Variants in SH3D19 observed in about 807,000 individuals in gnomAD.
The protein encoded by SH3D19 is SH3 domain containing 19, also known as SH3 domain-containing protein 19.
In SH3D19, 58 loss-of-function variants were observed where a neutral mutation model predicts 112.1. That is an observed-to-expected ratio of 0.52 (90% CI 0.42 to 0.64). The LOEUF (loss-of-function observed/expected upper bound fraction) is 0.64. SH3D19 is among the 30% of genes least tolerant of loss of function. The pLI is 0.00. For missense variants in SH3D19, 1,090 were observed against 1,263.4 expected (o/e 0.86, Z 2.08); for synonymous variants, 391 against 448.5 (o/e 0.87, Z 1.62).
intron 1 of SH3D19, chr4:151,282,169 T>C (rs1169009781): frequency 3.7e-6 from 6 of 1,613,928 alleles, no homozygotes; most frequent in Admixed American, 1.7e-5. Flanking sequence ...CTTTTTCATA[T>C]ACTGTGTGGC....
chr4:151,222,667 CTTTTTTTTTTT>C (rs1554057762), intron 2 of SH3D19, among the ~76,000 whole-genome samples: 4 of 87,242 alleles, frequency 4.6e-5, no homozygotes, highest in African/African-American at 8.9e-5. Context: ...CTCTCTCTCT[CTTTTTTTTTTT>C]TTTTTTTTTT....
chr4:151,225,614 G>A (rs1768864874), intron 2 of SH3D19, among the ~76,000 whole-genome samples: 1 of 152,158 alleles, frequency 6.6e-6, no homozygotes, highest in Non-Finnish European at 1.5e-5. Context: ...GCTGATGGAA[G>A]GCAGTCTGGG....
chr4:151,140,064 A>C, intron 12 of SH3D19: 1 of 481,022 alleles, frequency 2.1e-6, no homozygotes. Flanking sequence ...ATCTCAATTA[A>C]AATATCCCCC....
chr4:151,166,517 C>G (rs1249485333), intron 7 of SH3D19, among the ~76,000 whole-genome samples: 1 of 149,190 alleles, frequency 6.7e-6, no homozygotes, highest in East Asian at 2.0e-4. Context: ...AATGGGAAAT[C>G]TACAAGTAAA....
intron 1 of SH3D19, among the ~76,000 whole-genome samples, chr4:151,311,113 A>G (rs1327448201): frequency 6.6e-6 from 1 of 151,132 alleles, no homozygotes. Flanking sequence ...GGAGATATAT[A>G]TGTATGTATA....
intron 8 of SH3D19, 52 bp from the exon 9 acceptor site, chr4:151,159,404 A>C (rs1372523476): frequency 9.2e-7 from 1 of 1,085,636 alleles, no homozygotes; most frequent in Non-Finnish European, 1.4e-6. Flanking sequence ...TGGGATTCCA[A>C]AGAATGAAAT....
In SH3D19 at chr4:151,126,412, TA is replaced by T. The variant is rs538937425; in HGVS notation, c.3027+1205del. On this transcript the variant is annotated intron_variant, in intron 19 of 19. Transcript: ENST00000604030. ...AGGCTATTTTGACAGCAGTGACTAC[TA>T]AAACCACCCTCCTTCTTCTAGCACT... Among the ~76,000 whole-genome samples the T allele has an allele frequency of 2.0e-3, 312 of 152,320 alleles. 1 individual carries two copies. The highest frequency in any genetic ancestry group is 7.3e-3 in the African/African-American group (304 of 41,574).
chr4:151,141,232 C>T (rs1035166406), intron 12 of SH3D19: 2 of 150,940 alleles, frequency 1.3e-5, no homozygotes, highest in African/African-American at 4.9e-5. Context: ...GTTAAGTTAT[C>T]CTCCCACTTC....
intron 2 of SH3D19, among the ~76,000 whole-genome samples, chr4:151,221,361 G>A (rs774962262): frequency 2.6e-5 from 4 of 152,158 alleles, no homozygotes; most frequent in African/African-American, 9.7e-5. Context: ...CTCTGTTGAT[G>A]CAGCAGGTAT....
At chr4:151,277,242 G>T (rs1324215595) in intron 1 of SH3D19, 1 of 1,491,884 alleles carries the variant, frequency 6.7e-7, no homozygotes, top group Non-Finnish European at 9.0e-7. Context: ...CCAGGGTGGG[G>T]TTGAGAAGGC....
chr4:151,321,332 C>T (rs1196850926), intron 1 of SH3D19, among the ~76,000 whole-genome samples: 1 of 152,074 alleles, frequency 6.6e-6, no homozygotes, highest in Admixed American at 6.6e-5. Context: ...CGCCTATTCC[C>T]CCCACCCTCC....
chr4:151,203,153 G>A (rs1003905107), intron 2 of SH3D19, among the ~76,000 whole-genome samples: 1 of 152,126 alleles, frequency 6.6e-6, no homozygotes, highest in Admixed American at 6.6e-5. Flanking sequence ...CCAAAGGTCT[G>A]AAAAAGACAG....
At chr4:151,283,364 C>A in intron 1 of SH3D19, 1 of 1,364,044 alleles carries the variant, frequency 7.3e-7, no homozygotes. Context: ...CTGTAAATAA[C>A]AGTGGATTGG....
intron 7 of SH3D19, among the ~76,000 whole-genome samples, chr4:151,169,261 T>C (rs184068062): frequency 6.6e-6 from 1 of 152,232 alleles, no homozygotes; most frequent in Non-Finnish European, 1.5e-5. Context: ...ACTCAGATAG[T>C]GTATAATTAT....
At chr4:151,316,362 T>C (rs891825462) in intron 1 of SH3D19, among the ~76,000 whole-genome samples, 23 of 152,158 alleles carry the variant, frequency 1.5e-4, no homozygotes, top group Non-Finnish European at 1.0e-4. Flanking sequence ...CAGTCTCCTA[T>C]ACGGAATACT....
At chr4:151,157,349 T>TAA (rs1360339492) in intron 9 of SH3D19, among the ~76,000 whole-genome samples, 3 of 151,298 alleles carry the variant, frequency 2.0e-5, no homozygotes, top group Non-Finnish European at 4.4e-5. Flanking sequence ...TCAACCTCAC[T>TAA]AATCATCAGG....
At chr4:151,202,580 C>T (rs1764550966) in intron 2 of SH3D19, among the ~76,000 whole-genome samples, 2 of 152,142 alleles carry the variant, frequency 1.3e-5, no homozygotes, top group South Asian at 4.1e-4. Context: ...GTAAGATATG[C>T]CAACTGTTTC....
Position 151,135,078 on chromosome 4 carries a change from C to T in SH3D19, c.2482G>A (p.Val828Ile), listed in dbSNP as rs1561205340. The T allele has an allele frequency of 6.2e-7, 1 of 1,600,360 alleles. No individual in the cohort carries two copies. Among genetic ancestry groups the T allele is most frequent in the East Asian group, 2.3e-5 (1 of 44,208 alleles). ...GKRECVSSHCVKGSRCVARFE... is the reference protein window; with the variant it reads ...GKRECVSSHCIKGSRCVARFE... ...AAGAACACAAATAAAACTTACTTAA[C>T]ACAATGAGATGAAACACATTCTCTT... Residue 828 changes from valine (V) to isoleucine (I), a missense_variant, in exon 15 of 20, where the codon GTT (valine) becomes ATT (isoleucine). Val to Ile is a conservative substitution (Grantham distance 29). Coordinates refer to ENST00000604030, the MANE Select transcript of SH3D19 (RefSeq NM_001378122.1).
At chr4:151,198,166 G>C (rs1036040601) in intron 2 of SH3D19, among the ~76,000 whole-genome samples, 1 of 151,230 alleles carries the variant, frequency 6.6e-6, no homozygotes, top group South Asian at 2.1e-4. Context: ...TAAGCCAGGC[G>C]TGGTGGCACA....
Sources: allele counts gnomAD v4.1 joint callset (sites outside exome capture counted in the v4.1 genomes callset), GRCh38; gene constraint gnomAD v4.1.1; transcripts MANE v1.5; gene names NCBI Gene and HGNC (gene_info 2026-07-23, HGNC 2026-07-21).